Variants in CRY1 observed in about 807,000 individuals in gnomAD.
CRY1 encodes cryptochrome-1.
Under a neutral mutation model 76.0 loss-of-function variants are expected in CRY1, and 45 were observed. The observed-to-expected ratio is 0.59, with a 90% CI of 0.47 to 0.76. The LOEUF is 0.76. Among genes scored for constraint, CRY1 ranks in the 30% least tolerant of loss-of-function variants. The pLI is 0.00. For synonymous variants in CRY1, 248 were observed against 244.0 expected, an observed-to-expected ratio of 1.02 and a Z score of -0.15; for missense variants, 587 against 716.4, an observed-to-expected ratio of 0.82 and a Z score of 2.06.
intron 2 of CRY1, among the ~76,000 whole-genome samples, chr12:107,016,435 A>G (rs1049317299): frequency 3.9e-5 from 6 of 152,380 alleles, no homozygotes; most frequent in African/African-American, 1.4e-4. Context: ...TTGATAGTAA[A>G]ACTAAAAGTT....
intron 1 of CRY1, among the ~76,000 whole-genome samples, chr12:107,063,817 C>T (rs1289039818): frequency 6.6e-6 from 1 of 152,028 alleles, no homozygotes; most frequent in Non-Finnish European, 1.5e-5. Flanking sequence ...AGGCTGGTCT[C>T]GAATCCCTGA....
chr12:107,055,115 A>T (rs1952967962), intron 1 of CRY1, among the ~76,000 whole-genome samples: 1 of 152,132 alleles, frequency 6.6e-6, no homozygotes, highest in Non-Finnish European at 1.5e-5. Context: ...GAACATTTTT[A>T]AAAATTCAGC....
chr12:107,016,906 C>G (rs1208528016), intron 2 of CRY1, among the ~76,000 whole-genome samples: 1 of 152,196 alleles, frequency 6.6e-6, no homozygotes, highest in Non-Finnish European at 1.5e-5. Context: ...AACCTTACAG[C>G]CTCTATTTAA....
intron 1 of CRY1, among the ~76,000 whole-genome samples, chr12:107,071,478 T>C (rs899069697): frequency 1.3e-5 from 2 of 152,244 alleles, no homozygotes; most frequent in Admixed American, 6.5e-5. Flanking sequence ...TTGATAATTC[T>C]ACACATTGTT....
intron 2 of CRY1, among the ~76,000 whole-genome samples, chr12:107,012,163 G>A (rs117233434): frequency 0.027 from 4,125 of 152,234 alleles, 70 homozygotes; most frequent in African/African-American, 0.054. Context: ...GCACTGCAGC[G>A]TGGGTGACAG....
intron 1 of CRY1, among the ~76,000 whole-genome samples, chr12:107,057,608 G>C (rs1952998716): frequency 6.6e-6 from 1 of 152,166 alleles, no homozygotes; most frequent in Non-Finnish European, 1.5e-5. Flanking sequence ...GTATGTGCCT[G>C]TACTCCTAGC....
At chr12:106,998,364 T>C (rs1952257142) in intron 7 of CRY1, among the ~76,000 whole-genome samples, 1 of 152,124 alleles carries the variant, frequency 6.6e-6, no homozygotes. Flanking sequence ...AGGATGTGGA[T>C]TTAAAAGGAT....
Position 106,992,956 on chromosome 12 carries a change from C to T in CRY1, c.1657+9G>A, listed in dbSNP as rs1340463272. 2 of 1,613,924 alleles carry T rather than the reference C, an allele frequency of 1.2e-6. No homozygotes were observed. The highest frequency in any genetic ancestry group is 2.7e-5 in the African/African-American group (2 of 74,916). On this transcript the variant is annotated intron_variant, in intron 11 of 12. Coordinates refer to ENST00000008527, the MANE Select transcript of CRY1 (RefSeq NM_004075.5). ...AAAAGAACAGTATGCTCCAATGCTT[C>T]ATTCTTACCTTGCTTCAACAGGTGA...
intron 1 of CRY1, among the ~76,000 whole-genome samples, chr12:107,066,107 T>C (rs1263267127): frequency 6.6e-6 from 1 of 152,232 alleles, no homozygotes; most frequent in East Asian, 1.9e-4. Flanking sequence ...ATATTATTTC[T>C]GACAGTACAA....
chr12:107,063,894 G>T (rs752107663), intron 1 of CRY1, among the ~76,000 whole-genome samples: 2 of 152,224 alleles, frequency 1.3e-5, no homozygotes, highest in East Asian at 1.9e-4. Context: ...ACTGCGTCCA[G>T]CTGGGTCATA....
intron 1 of CRY1, among the ~76,000 whole-genome samples, chr12:107,057,735 AG>A (rs1953000136): frequency 1.3e-5 from 2 of 151,988 alleles, no homozygotes; most frequent in East Asian, 3.9e-4. Flanking sequence ...TGTCTCTATA[AG>A]AATGAATAAA....
chr12:106,999,268 T>A (rs1952273108), intron 7 of CRY1, among the ~76,000 whole-genome samples: 1 of 152,160 alleles, frequency 6.6e-6, no homozygotes, highest in African/African-American at 2.4e-5. Context: ...TAAATATATC[T>A]ATCAACAAAT....
At chr12:107,063,580 C>T (rs765413434) in intron 1 of CRY1, among the ~76,000 whole-genome samples, 9 of 152,090 alleles carry the variant, frequency 5.9e-5, no homozygotes, top group Non-Finnish European at 1.2e-4. Flanking sequence ...TATAACCCAG[C>T]TGGGTCATAG....
At chr12:107,002,790 G>A (rs1025167464) in intron 3 of CRY1, among the ~76,000 whole-genome samples, 18 of 152,114 alleles carry the variant, frequency 1.2e-4, no homozygotes, top group African/African-American at 3.9e-4. Context: ...GGTCTTTCCC[G>A]TGCTGTTCTC....
At chr12:107,041,874 C>T (rs1040944908) in intron 1 of CRY1, among the ~76,000 whole-genome samples, 1 of 152,064 alleles carries the variant, frequency 6.6e-6, no homozygotes, top group Non-Finnish European at 1.5e-5. Context: ...TTTTAAATAT[C>T]GTCCCCCAAT....
chr12:107,029,156 G>A (rs1026373805), intron 1 of CRY1, among the ~76,000 whole-genome samples: 2 of 151,920 alleles, frequency 1.3e-5, no homozygotes, highest in Admixed American at 6.6e-5. Context: ...CTCCCATCTC[G>A]GTTCCTGAAT....
chr12:107,080,994 A>G (rs1593543955), intron 1 of CRY1, among the ~76,000 whole-genome samples: 1 of 152,120 alleles, frequency 6.6e-6, no homozygotes. Flanking sequence ...AAGAAGAAAA[A>G]GTAGAAGAAA....
chr12:106,993,542 TA>T, intron 10 of CRY1, among the ~76,000 whole-genome samples: 1 of 151,852 alleles, frequency 6.6e-6, no homozygotes, highest in South Asian at 2.1e-4. Context: ...AAACAAACAC[TA>T]TTATAGGAGA....
intron 1 of CRY1, among the ~76,000 whole-genome samples, chr12:107,055,913 A>C (rs1952976758): frequency 6.6e-6 from 1 of 152,190 alleles, no homozygotes; most frequent in Non-Finnish European, 1.5e-5. Context: ...AATGGGTTTC[A>C]ATTTCAAGTA....
Sources: allele counts gnomAD v4.1 joint callset (sites outside exome capture counted in the v4.1 genomes callset), GRCh38; gene constraint gnomAD v4.1.1; transcripts MANE v1.5; gene names NCBI Gene and HGNC (gene_info 2026-07-23, HGNC 2026-07-21).